GTPBP4: variants seen among roughly 807,000 people sequenced by gnomAD.
The protein encoded by GTPBP4 is GTP-binding protein 4.
In GTPBP4, 15 loss-of-function variants were observed where a neutral mutation model predicts 81.7. That is an observed-to-expected ratio of 0.18 (90% CI 0.12 to 0.28). GTPBP4 has a LOEUF of 0.28. GTPBP4 is among the 10% of genes least tolerant of loss of function. The probability of loss-of-function intolerance (pLI) is 1.00; values close to 1 mark genes in which losing one functional copy is unlikely to be tolerated. For synonymous variants in GTPBP4, 272 were observed against 274.6 expected (o/e 0.99, Z 0.09); for missense variants, 847 against 793.8 (o/e 1.07, Z -0.81).
At chr10:1,008,020 C>T (rs948056247) in intron 10 of GTPBP4, 1 of 501,624 alleles carries the variant, frequency 2.0e-6, no homozygotes, top group Non-Finnish European at 4.0e-6. Flanking sequence ...ATGTGCTGTA[C>T]ATTTTTGAAC....
Position 1,001,030 on chromosome 10 carries a change from T to G in GTPBP4, c.912+17T>G, listed in dbSNP as rs372742449. ...GATGATCAGGTAAATCACGTTAATA[T>G]TTTGAATATTTCTTACTTACCAATT... On this transcript the variant is annotated intron_variant, in intron 8 of 16. Coordinates refer to ENST00000360803, the MANE Select transcript of GTPBP4 (RefSeq NM_012341.3). The G allele has an allele frequency of 1.4e-5, 21 of 1,546,720 alleles. No homozygotes were observed. Among genetic ancestry groups the G allele is most frequent in the Non-Finnish European group, 1.8e-5 (20 of 1,119,076 alleles).
intron 14 of GTPBP4, among the ~76,000 whole-genome samples, chr10:1,013,067 T>C (rs924015966): frequency 1.3e-5 from 2 of 152,030 alleles, no homozygotes; most frequent in African/African-American, 2.4e-5. Context: ...CACTGCAGCC[T>C]CCACCTCGCG....
In GTPBP4 at chr10:1,019,229, T is replaced by C. The variant is rs1832044939; in HGVS notation, c.*2002T>C. 1 of 324,846 alleles carries C rather than the reference T, an allele frequency of 3.1e-6. No individual in the cohort carries two copies. The highest frequency in any genetic ancestry group is 7.1e-5 in the East Asian group (1 of 14,074). 20.1% of individuals were successfully genotyped at this position (324,846 alleles called of 1,614,324 possible). On this transcript the variant is annotated 3_prime_UTR_variant, in exon 17 of 17. Transcript: ENST00000360803. ...GACTCTCAAGATCTCCCCAAGACTT[T>C]CAGGATCAGCTGCTGTTAATCAAAC...
At position 988,684 on chromosome 10, in the gene GTPBP4, T is replaced by C. The variant is rs1589020210; in HGVS notation, c.48+157T>C. The C allele has an allele frequency of 4.8e-6, 3 of 625,208 alleles. No homozygotes were observed. The South Asian group carries it at 5.4e-5, about 11-fold the overall frequency. The allele number at this position is 625,208 out of a possible 1,614,324, so 38.7% of individuals were successfully genotyped here. A position where few individuals can be genotyped will look rare whatever the true frequency, so the allele number is the denominator to read the frequency against. On this transcript the variant is annotated intron_variant, in intron 1 of 16. Transcript: ENST00000360803. ...GTCTGGCCGCGTACTCGGGATCATT[T>C]CCCCTCCCCCAGCAGAATCCGGGGT... is the stretch of plus-strand genomic sequence containing the variant.
chr10:1,009,962 T>A (rs936634121), intron 12 of GTPBP4, among the ~76,000 whole-genome samples: 1 of 152,004 alleles, frequency 6.6e-6, no homozygotes, highest in African/African-American at 2.4e-5. Flanking sequence ...ACCTCTGCCC[T>A]CCAGCCTGGA....
intron 8 of GTPBP4, among the ~76,000 whole-genome samples, chr10:1,004,603 A>G (rs1191029431): frequency 6.6e-6 from 1 of 152,166 alleles, no homozygotes; most frequent in Non-Finnish European, 1.5e-5. Flanking sequence ...GGCATTTCCC[A>G]GGAAGCAGGG....
At chr10:999,966 A>G (rs1831595781) in intron 6 of GTPBP4, among the ~76,000 whole-genome samples, 1 of 152,236 alleles carries the variant, frequency 6.6e-6, no homozygotes, top group African/African-American at 2.4e-5. Context: ...TCTCAAAAAA[A>G]ATAAATAAAT....
intron 11 of GTPBP4, 39 bp downstream of exon 11, chr10:1,009,074 G>A: frequency 2.7e-6 from 4 of 1,456,168 alleles, no homozygotes; most frequent in Non-Finnish European, 3.9e-6. Flanking sequence ...TCTCATGGGG[G>A]GAGGCAGGCT....
chr10:1,010,915 T>TCCC (rs1831849287), intron 13 of GTPBP4, among the ~76,000 whole-genome samples: 1 of 144,700 alleles, frequency 6.9e-6, no homozygotes, highest in Non-Finnish European at 1.5e-5. Context: ...TACACCACCT[T>TCCC]CCCCACCCCG....
intron 10 of GTPBP4, chr10:1,007,864 TTGTC>T (rs1434754014): frequency 3.9e-6 from 2 of 514,114 alleles, no homozygotes; most frequent in Non-Finnish European, 7.7e-6. Context: ...TTGAGCATGT[TTGTC>T]TGCTTATTGG....
At chr10:1,013,534 C>T (rs1416756224) in intron 14 of GTPBP4, among the ~76,000 whole-genome samples, 1 of 151,880 alleles carries the variant, frequency 6.6e-6, no homozygotes, top group Non-Finnish European at 1.5e-5. Flanking sequence ...GGTGTGAACC[C>T]GGGAGGCAGA....
At chr10:1,011,181 G>A (rs12765644) in intron 13 of GTPBP4, among the ~76,000 whole-genome samples, 8,377 of 143,016 alleles carry the variant, frequency 0.059, 616 homozygotes, top group African/African-American at 0.15. Flanking sequence ...TGTGCCCCCT[G>A]CACCACCTTC....
intron 1 of GTPBP4, among the ~76,000 whole-genome samples, chr10:991,588 A>C (rs1003298168): frequency 5.3e-5 from 8 of 151,678 alleles, no homozygotes; most frequent in Non-Finnish European, 8.8e-5. Context: ...TTTCTCAACT[A>C]TTCTAATTTA....
intron 1 of GTPBP4, among the ~76,000 whole-genome samples, chr10:990,646 T>C (rs981699186): frequency 2.8e-5 from 4 of 142,446 alleles, no homozygotes; most frequent in African/African-American, 8.0e-5. Context: ...TGGTGTGAAC[T>C]GAACCCAGGA....
rs767277210 is a variant in GTPBP4, at chr10:1,012,657, A to G, written c.1537A>G (p.Lys513Glu). ...TQGPRMPRTA[K>E]KVQRTVLEKE... ...GGGACCCAGGATGCCGCGAACTGCT[A>G]AGAAGGCAAGTTTGTGTCTTTCCAA... The change falls in exon 14 of 17, where the codon AAG becomes GAG. Residue 513 changes from lysine (K) to glutamate (E), a missense_variant. By Grantham distance (56) the Lys-to-Glu change is moderately conservative. Coordinates refer to ENST00000360803, the MANE Select transcript of GTPBP4 (RefSeq NM_012341.3). 4.3e-6 allele frequency: 7 copies of G among 1,609,516 alleles called. No individual in the cohort carries two copies. Among genetic ancestry groups the G allele is most frequent in the Non-Finnish European group, 5.9e-6 (7 of 1,176,998 alleles).
At chr10:1,010,045 C>G (rs1831822790) in intron 12 of GTPBP4, among the ~76,000 whole-genome samples, 1 of 151,920 alleles carries the variant, frequency 6.6e-6, no homozygotes, top group African/African-American at 2.4e-5. Context: ...CCATTGTTTC[C>G]TGTTGTTTTG....
intron 12 of GTPBP4, among the ~76,000 whole-genome samples, chr10:1,009,801 C>A (rs1295689285): frequency 6.6e-6 from 1 of 152,168 alleles, no homozygotes; most frequent in Admixed American, 6.5e-5. Context: ...TTGAGACCAA[C>A]CTGGGCAACA....
rs1028166897 is a variant in GTPBP4, at chr10:1,006,592, C to T, written c.1003-426C>T. ...GGCGGAGGTTGCTGTGAGCTGAGAT[C>T]ATGCCACTGCACTACAGCCTGGGCA... is the stretch of plus-strand genomic sequence containing the variant. On this transcript the variant is annotated intron_variant, in intron 9 of 16. Coordinates refer to ENST00000360803, the MANE Select transcript of GTPBP4 (RefSeq NM_012341.3). Among the ~76,000 whole-genome samples the T allele has an allele frequency of 4.6e-5, 7 of 152,072 alleles. 1 individual carries two copies. The highest frequency in any genetic ancestry group is 4.1e-4 in the South Asian group (2 of 4,820).
intron 10 of GTPBP4, chr10:1,008,124 C>T (rs1177742001): frequency 2.2e-6 from 1 of 454,176 alleles, no homozygotes; most frequent in Non-Finnish European, 4.4e-6. Flanking sequence ...TTAAAAGTAT[C>T]TTTTCTTGCT....
Sources: allele counts gnomAD v4.1 joint callset (sites outside exome capture counted in the v4.1 genomes callset), GRCh38; gene constraint gnomAD v4.1.1; transcripts MANE v1.5; gene names NCBI Gene and HGNC (gene_info 2026-07-23, HGNC 2026-07-21).